Variants in SOX5 observed in about 807,000 individuals in gnomAD.
SOX5 encodes the protein transcription factor SOX-5.
In SOX5, 9 loss-of-function variants were observed where a neutral mutation model predicts 92.0. The observed-to-expected ratio is 0.10, with a 90% confidence interval of 0.06 to 0.17. The LOEUF (loss-of-function observed/expected upper bound fraction) is 0.17. Among genes scored for constraint, SOX5 ranks in the 10% least tolerant of loss-of-function variants. SOX5 has a pLI of 1.00. For missense variants in SOX5, 642 were observed against 944.5 expected (o/e 0.68, Z 4.20); for synonymous variants, 344 against 336.3 (o/e 1.02, Z -0.25).
chr12:23,573,884 A>G (rs921099766), intron 10 of SOX5, among the ~76,000 whole-genome samples: 4 of 152,320 alleles, frequency 2.6e-5, no homozygotes, highest in Admixed American at 2.0e-4. Flanking sequence ...CAGAAAACAG[A>G]TAATAATAAA....
intron 4 of SOX5, among the ~76,000 whole-genome samples, chr12:23,983,512 C>A (rs1202063360): frequency 6.6e-6 from 1 of 152,168 alleles, no homozygotes; most frequent in East Asian, 1.9e-4. Context: ...TTTTCCTCAT[C>A]TGTAAAATTA....
chr12:24,252,598 C>T (rs1322862509), intron 3 of SOX5, among the ~76,000 whole-genome samples: 1 of 151,658 alleles, frequency 6.6e-6, no homozygotes, highest in East Asian at 1.9e-4. Flanking sequence ...AAAAATATAC[C>T]TCTTTTATTC....
chr12:24,150,664 A>G (rs1384592400), intron 4 of SOX5, among the ~76,000 whole-genome samples: 2 of 152,148 alleles, frequency 1.3e-5, no homozygotes, highest in African/African-American at 4.8e-5. Flanking sequence ...GTAGCTAGAA[A>G]GATAAAGAAA....
chr12:23,667,528 G>A (rs963445911), intron 6 of SOX5, among the ~76,000 whole-genome samples: 4 of 152,116 alleles, frequency 2.6e-5, no homozygotes, highest in African/African-American at 7.2e-5. Flanking sequence ...AGCTGAGAAA[G>A]ACCCTAGAGA....
chr12:24,390,396 A>C (rs1958870959), intron 1 of SOX5, among the ~76,000 whole-genome samples: 1 of 152,220 alleles, frequency 6.6e-6, no homozygotes, highest in Non-Finnish European at 1.5e-5. Flanking sequence ...GTTGAAAATT[A>C]AACCTGTAAT....
intron 4 of SOX5, among the ~76,000 whole-genome samples, chr12:24,172,296 G>A (rs1406058400): frequency 6.6e-6 from 1 of 152,028 alleles, no homozygotes; most frequent in Non-Finnish European, 1.5e-5. Flanking sequence ...CAGCACTTTG[G>A]GAGGCTGAAG....
intron 6 of SOX5, among the ~76,000 whole-genome samples, chr12:23,712,834 A>G (rs1442747418): frequency 6.6e-6 from 1 of 152,166 alleles, no homozygotes; most frequent in African/African-American, 2.4e-5. Context: ...AAAGCCATAC[A>G]CTCATCCTTC....
intron 8 of SOX5, among the ~76,000 whole-genome samples, chr12:23,605,968 C>T (rs1444745382): frequency 6.6e-6 from 1 of 151,782 alleles, no homozygotes; most frequent in Non-Finnish European, 1.5e-5. Context: ...TTTTCTTACC[C>T]CAGCCAACTG....
intron 4 of SOX5, among the ~76,000 whole-genome samples, chr12:24,068,820 G>T (rs1038711163): frequency 7.0e-6 from 1 of 142,742 alleles, no homozygotes; most frequent in Non-Finnish European, 1.5e-5. Flanking sequence ...TATACATAAG[G>T]CAAAAAAGAT....
intron 4 of SOX5, among the ~76,000 whole-genome samples, chr12:23,970,841 A>ATATATATATATATATATTTTTTTTTTTTT: frequency 9.1e-5 from 2 of 21,878 alleles, no homozygotes; most frequent in African/African-American, 1.2e-4. Context: ...TATATATATA[A>ATATATATATATATATATTTTTTTTTTTTT]TTTTTTTTTT....
chr12:23,851,448 G>T (rs2096632825), intron 2 of SOX5, among the ~76,000 whole-genome samples: 1 of 151,952 alleles, frequency 6.6e-6, no homozygotes, highest in Non-Finnish European at 1.5e-5. Context: ...TAAAAAACTC[G>T]ATAGAAAACA....
chr12:23,911,458 C>A (rs553252757), intron 1 of SOX5, among the ~76,000 whole-genome samples: 1 of 152,124 alleles, frequency 6.6e-6, no homozygotes, highest in South Asian at 2.1e-4. Context: ...AACAAACTTA[C>A]AAAAATGAAC....
intron 1 of SOX5, among the ~76,000 whole-genome samples, chr12:24,457,389 T>C (rs1943138837): frequency 6.6e-6 from 1 of 152,216 alleles, no homozygotes; most frequent in Non-Finnish European, 1.5e-5. Flanking sequence ...GGAGCCACAG[T>C]TAAATGTGAG....
chr12:24,514,208 G>A (rs1369956576), intron 1 of SOX5, among the ~76,000 whole-genome samples: 1 of 152,068 alleles, frequency 6.6e-6, no homozygotes, highest in South Asian at 2.1e-4. Context: ...TCCAGGGAAC[G>A]ATTCTCAAGA....
rs12371586 is a variant in SOX5, at chr12:24,552,055, C to T, written c.-251+10274G>A. 6.4e-3 allele frequency among the ~76,000 whole-genome samples: 917 copies of T among 143,424 alleles called. 5 individuals carry two copies. Among genetic ancestry groups the T allele is most frequent in the South Asian group, 0.015 (66 of 4,522 alleles). The allele number at this position is 143,424 out of a possible 152,430, so 94.1% of individuals were successfully genotyped here. ...AAAAGTTATTTCCAAGGCTAGAATACATATAACTGGCCCCAGGGCCCCCTT... is the reference window on the plus strand; with the variant it reads ...AAAAGTTATTTCCAAGGCTAGAATATATATAACTGGCCCCAGGGCCCCCTT... On this transcript the variant is annotated intron_variant, in intron 1 of 4. Transcript: ENST00000446891.
chr12:23,773,772 C>G (rs1171461069), intron 3 of SOX5, among the ~76,000 whole-genome samples: 1 of 151,488 alleles, frequency 6.6e-6, no homozygotes, highest in East Asian at 1.9e-4. Flanking sequence ...TACAAAGACA[C>G]CAGTCAAAAA....
chr12:24,501,826 CA>C (rs1354717151), intron 1 of SOX5, among the ~76,000 whole-genome samples: 1 of 151,780 alleles, frequency 6.6e-6, no homozygotes, highest in Non-Finnish European at 1.5e-5. Context: ...GACCCTGCCT[CA>C]AAAAACAAAA....
At chr12:24,002,223 C>A (rs1322766258) in intron 4 of SOX5, among the ~76,000 whole-genome samples, 1 of 151,404 alleles carries the variant, frequency 6.6e-6, no homozygotes, top group African/African-American at 2.4e-5. Context: ...TGGAAATCAG[C>A]AAAATAGAGA....
At chr12:24,337,930 A>G (rs1283584709) in intron 2 of SOX5, among the ~76,000 whole-genome samples, 1 of 150,722 alleles carries the variant, frequency 6.6e-6, no homozygotes, top group Non-Finnish European at 1.5e-5. Flanking sequence ...AATGTGACAC[A>G]CAAAATTTTT....
Sources: gnomAD v4.1 joint callset for allele counts (sites outside exome capture counted in the v4.1 genomes callset) on GRCh38, gnomAD v4.1.1 for gene constraint, MANE v1.5 for transcripts, NCBI Gene and HGNC (gene_info 2026-07-23, HGNC 2026-07-21) for gene names.